The following AGFG1 variants were observed in gnomAD, a reference collection of about 807,000 sequenced individuals.
The protein encoded by AGFG1 is ArfGAP with FG repeats 1.
In AGFG1, 10 loss-of-function variants were observed where a neutral mutation model predicts 60.6. The observed-to-expected ratio is 0.16, with a 90% CI of 0.10 to 0.28. The LOEUF is 0.28. Among genes scored for constraint, AGFG1 ranks in the 10% least tolerant of loss-of-function variants. The pLI is 1.00. For missense variants in AGFG1, 537 were observed against 676.5 expected, an observed-to-expected ratio of 0.79 and a Z score of 2.29; for synonymous variants, 247 against 242.9, an observed-to-expected ratio of 1.02 and a Z score of -0.16.
chr2:227,550,843 G>T (rs1253680624), intron 10 of AGFG1, among the ~76,000 whole-genome samples: 1 of 152,054 alleles, frequency 6.6e-6, no homozygotes, highest in Admixed American at 6.5e-5. Flanking sequence ...TTAAAATCAG[G>T]AAATTTAGTG....
At chr2:227,512,090 G>A (rs535963825) in intron 2 of AGFG1, among the ~76,000 whole-genome samples, 2 of 152,194 alleles carry the variant, frequency 1.3e-5, no homozygotes, top group East Asian at 3.9e-4. Context: ...TAAACAAGTC[G>A]GATTTCATAT....
At chr2:227,482,839 C>T (rs960952117) in intron 1 of AGFG1, among the ~76,000 whole-genome samples, 1 of 152,194 alleles carries the variant, frequency 6.6e-6, no homozygotes, top group East Asian at 1.9e-4. Context: ...GTCATTAAAA[C>T]TAAATCTCCT....
At position 227,519,972 on chromosome 2, in the gene AGFG1, T is replaced by G; in HGVS notation, c.286T>G (p.Leu96Val). The G allele has an allele frequency of 6.3e-7, 1 of 1,587,512 alleles. No homozygotes were observed. The highest frequency in any genetic ancestry group is 8.5e-7 in the Non-Finnish European group (1 of 1,171,578). The change falls in exon 3 of 13, where the codon TTA becomes GTA. Residue 96 changes from leucine to valine, a missense_variant. Physicochemically the swap from Leu to Val is conservative, Grantham distance 32. Around this residue, in one of 4 missense-constraint regions of AGFG1, gnomAD observed 120 missense variants for 198.5 expected, o/e 0.60. Coordinates refer to ENST00000310078, the MANE Select transcript of AGFG1 (RefSeq NM_004504.5). The stretch of plus-strand genomic sequence containing the variant: ...GGTCTGTAAACAGATTTGGCTAGGA[T>G]TATTTGATGATAGATCTTCAGCAAT... ...NEVCKQIWLG[L>V]FDDRSSAIPD...
In AGFG1 at chr2:227,554,444, A is replaced by ACCAACAGGACAATTT; in HGVS notation, c.1648_1662dup (p.Gln550_Gly554dup). ...CTTATGTTTTCCTTTAGACTGGTGC[A>ACCAACAGGACAATTT]CCAACAGGACAATTTCCAACAGGAA... On this transcript the variant is annotated inframe_insertion, in exon 13 of 13. Transcript: ENST00000310078. 6.2e-7 allele frequency: 1 copy of ACCAACAGGACAATTT among 1,613,510 alleles called. No homozygotes were observed. The highest frequency in any genetic ancestry group is 8.5e-7 in the Non-Finnish European group (1 of 1,179,642).
At chr2:227,494,490 G>T (rs1272902028) in intron 2 of AGFG1, among the ~76,000 whole-genome samples, 2 of 152,214 alleles carry the variant, frequency 1.3e-5, no homozygotes, top group Non-Finnish European at 2.9e-5. Context: ...AAAATTAAAA[G>T]ATCAGAAAGT....
chr2:227,516,481 AG>A (rs1226849781), intron 2 of AGFG1, among the ~76,000 whole-genome samples: 3 of 152,180 alleles, frequency 2.0e-5, no homozygotes, highest in African/African-American at 7.2e-5. Context: ...AATAACTTTG[AG>A]GGACTTTGAC....
chr2:227,517,113 TGTTCCTGGATGTC>T (rs887455776), intron 2 of AGFG1, among the ~76,000 whole-genome samples: 2 of 152,232 alleles, frequency 1.3e-5, no homozygotes, highest in African/African-American at 4.8e-5. Context: ...GTTGTACTAA[TGTTCCTGGATGTC>T]TGTACTTCTC....
intron 1 of AGFG1, among the ~76,000 whole-genome samples, chr2:227,481,553 T>C (rs1224668493): frequency 1.3e-5 from 2 of 152,204 alleles, no homozygotes; most frequent in African/African-American, 2.4e-5. Context: ...TGTTTTGGCT[T>C]TCTCCATAAA....
At chr2:227,546,047 A>G (rs1478604555) in intron 10 of AGFG1, among the ~76,000 whole-genome samples, 1 of 152,246 alleles carries the variant, frequency 6.6e-6, no homozygotes, top group Non-Finnish European at 1.5e-5. Flanking sequence ...TTAAGTCTCC[A>G]GAAGTTTCTG....
rs763157574 is a variant in AGFG1, at chr2:227,523,771, C to T, written c.386C>T (p.Pro129Leu). The change falls in exon 4 of 13, where the codon CCG (proline) becomes CTG (leucine). Residue 129 changes from proline (P) to leucine (L), a missense_variant. Coordinates refer to ENST00000310078, the MANE Select transcript of AGFG1 (RefSeq NM_004504.5). Reference protein sequence around the residue: ...EKYEKKRWYVPPEQAKVVASV... With the variant: ...EKYEKKRWYVLPEQAKVVASV... ...TTTTTTACATGTTTTAGGTATGTCC[C>T]GCCAGAACAAGCCAAAGTCGTGGCA... is the stretch of plus-strand genomic sequence containing the variant. 31 of 1,610,808 alleles carry T rather than the reference C, an allele frequency of 1.9e-5. No homozygotes were observed. In the Admixed American group the frequency reaches 2.8e-4, roughly 15 times the overall value.
intron 7 of AGFG1, 103 bp from the exon 8 acceptor site, chr2:227,534,742 C>CT: frequency 8.0e-7 from 1 of 1,248,836 alleles, no homozygotes. Flanking sequence ...CTGCTTAACT[C>CT]TAAATCCATT....
At chr2:227,520,102 A>G (rs773194882) in intron 3 of AGFG1, 39 bp downstream of exon 3, 3 of 1,235,080 alleles carry the variant, frequency 2.4e-6, no homozygotes, top group Non-Finnish European at 3.4e-6. Flanking sequence ...AGCCTCCCCA[A>G]ATCACATATT....
chr2:227,491,801 A>G lies in AGFG1; in HGVS notation c.261+161A>G, dbSNP rs373558335. ...TTAAAATGTACTCATTTAATAATGT[A>G]TTTGGAATTAATGTTTACTACATAA... On this transcript the variant is annotated intron_variant, in intron 2 of 12. Transcript: ENST00000310078. 6.6e-5 allele frequency among the ~76,000 whole-genome samples: 10 copies of G among 152,270 alleles called. No homozygotes were observed. In the East Asian group the frequency reaches 1.5e-3, roughly 23 times the overall value.
intron 2 of AGFG1, among the ~76,000 whole-genome samples, chr2:227,516,266 G>C (rs1227746616): frequency 1.3e-5 from 2 of 152,222 alleles, no homozygotes; most frequent in Non-Finnish European, 2.9e-5. Context: ...GTCTTGGGTT[G>C]CTCCTGAAAA....
In AGFG1 at chr2:227,554,501, T is replaced by C; in HGVS notation, c.*6T>C. The C allele has an allele frequency of 2.5e-6, 4 of 1,612,080 alleles. No homozygotes were observed. The highest frequency in any genetic ancestry group is 1.7e-4 in the Middle Eastern group (1 of 6,048). Reference sequence around the variant, plus strand: ...CAACCAATCCTTTCTTATAGCCTTATATAGACAATTTACTGGAACGAACTT... The same window carrying C: ...CAACCAATCCTTTCTTATAGCCTTACATAGACAATTTACTGGAACGAACTT... On this transcript the variant is annotated 3_prime_UTR_variant, in exon 13 of 13. Transcript: ENST00000310078.
At position 227,556,042 on chromosome 2, in the gene AGFG1, A is replaced by G. The variant is rs1692961616; in HGVS notation, c.*1547A>G. On this transcript the variant is annotated 3_prime_UTR_variant, in exon 13 of 13. Transcript: ENST00000310078. ...TAAGGACCGCTACCCAGCCTAGAGG[A>G]CATCACTATACTACATCATCTGATG... 1 of 152,238 alleles carries G rather than the reference A, an allele frequency of 6.6e-6. No homozygotes were observed. 9.4% of individuals were successfully genotyped at this position (152,238 alleles called of 1,614,324 possible). A position where few individuals can be genotyped will look rare whatever the true frequency, so the allele number is the denominator to read the frequency against.
At chr2:227,495,486 C>CAG (rs1690945761) in intron 2 of AGFG1, among the ~76,000 whole-genome samples, 1 of 146,354 alleles carries the variant, frequency 6.8e-6, no homozygotes, top group African/African-American at 2.6e-5. Context: ...TTCAAGGCTG[C>CAG]AGTAAGTCAT....
At chr2:227,491,751 T>G in intron 2 of AGFG1, 111 bp downstream of exon 2, 1 of 572,760 alleles carries the variant, frequency 1.7e-6, no homozygotes, top group Admixed American at 3.6e-5. Flanking sequence ...AAATAAGTTA[T>G]TTTTGTATTT....
intron 5 of AGFG1, 25 bp downstream of exon 5, chr2:227,524,940 T>G (rs767124071): frequency 1.2e-6 from 2 of 1,612,566 alleles, no homozygotes; most frequent in Non-Finnish European, 1.7e-6. Context: ...CCAACAGCTT[T>G]TGCTGGGGAT....
Sources: allele counts gnomAD v4.1 joint callset (sites outside exome capture counted in the v4.1 genomes callset), GRCh38; gene constraint gnomAD v4.1.1; regional missense constraint gnomAD v4.1.1; transcripts MANE v1.5; gene names NCBI Gene and HGNC (gene_info 2026-07-23, HGNC 2026-07-21).